Variants in CEPT1 observed in about 807,000 individuals in gnomAD.
CEPT1 encodes the protein choline/ethanolaminephosphotransferase 1.
CEPT1 carries 7 observed loss-of-function variants against 42.6 expected under a neutral mutation model. That is an observed-to-expected ratio of 0.16 (90% CI 0.09 to 0.31). CEPT1 has a LOEUF of 0.31. Ranked by LOEUF, CEPT1 falls within the 10% of genes least tolerant of loss-of-function variation. The pLI is 1.00. For synonymous variants in CEPT1, 171 were observed against 171.9 expected, an observed-to-expected ratio of 0.99 and a Z score of 0.04; for missense variants, 306 against 502.1, an observed-to-expected ratio of 0.61 and a Z score of 3.73.
chr1:111,182,650 T>A (rs1300577185), intron 6 of CEPT1, 149 bp from the exon 7 acceptor site: 2 of 695,142 alleles, frequency 2.9e-6, no homozygotes, highest in Non-Finnish European at 4.7e-6. Flanking sequence ...TCATTAGCTC[T>A]TCTAGTTTGT....
In CEPT1 at chr1:111,157,646, A is replaced by G. The variant is rs374869312; in HGVS notation, c.340-1734A>G. Among the ~76,000 whole-genome samples, 19 of 152,316 alleles carry G rather than the reference A, an allele frequency of 1.2e-4. No individual in the cohort carries two copies. In the South Asian group the frequency reaches 2.9e-3, roughly 23 times the overall value. ...TAATTACTCAGTTCAGTGTGCTTGC[A>G]TGTAAAGTATGGTTCCATAATCATA... On this transcript the variant is annotated intron_variant, in intron 2 of 8. Transcript: ENST00000357172.
At chr1:111,165,432 A>G (rs909444151) in intron 4 of CEPT1, among the ~76,000 whole-genome samples, 5 of 152,246 alleles carry the variant, frequency 3.3e-5, no homozygotes, top group African/African-American at 1.2e-4. Flanking sequence ...ATACTCTTCA[A>G]TTATTTTTTC....
chr1:111,173,940 T>C (rs1003561956), intron 4 of CEPT1, among the ~76,000 whole-genome samples: 1 of 152,124 alleles, frequency 6.6e-6, no homozygotes, highest in South Asian at 2.1e-4. Flanking sequence ...TATATAACTA[T>C]TCCCTCTGAG....
chr1:111,150,990 A>G (rs896636111), intron 2 of CEPT1, among the ~76,000 whole-genome samples: 6 of 152,216 alleles, frequency 3.9e-5, no homozygotes, highest in African/African-American at 1.4e-4. Flanking sequence ...ATCCACAAAA[A>G]GAGTTGGACT....
intron 4 of CEPT1, among the ~76,000 whole-genome samples, chr1:111,163,172 A>G (rs1173857563): frequency 6.6e-6 from 1 of 152,170 alleles, no homozygotes; most frequent in African/African-American, 2.4e-5. Context: ...GAAACACTAG[A>G]TATATTAAGA....
Position 111,184,862 on chromosome 1 carries a change from T to A in CEPT1, c.*552T>A, listed in dbSNP as rs1219418638. ...TGAGGAAGTCCTTTTTTTTTTTTTT[T>A]TTTTTTTAATTGCTCAAGAAATGAT... On this transcript the variant is annotated 3_prime_UTR_variant, in exon 9 of 9. Coordinates refer to ENST00000357172, the MANE Select transcript of CEPT1 (RefSeq NM_006090.5). 6.6e-6 allele frequency: 1 copy of A among 151,052 alleles called. No homozygotes were observed. Among genetic ancestry groups the A allele is most frequent in the African/African-American group, 2.4e-5 (1 of 41,056 alleles). The allele number at this position is 151,052 out of a possible 1,614,324, so 9.4% of individuals were successfully genotyped here.
intron 4 of CEPT1, 81 bp downstream of exon 4, chr1:111,161,377 AT>A: frequency 1.5e-5 from 20 of 1,320,994 alleles, no homozygotes; most frequent in Non-Finnish European, 2.1e-5. Context: ...AGTATTAGAA[AT>A]TGATCAAATC....
rs201285945 is a variant in CEPT1 at position 111,174,932 on chromosome 1, T to G, written c.683T>G (p.Val228Gly). 1 of 1,612,596 alleles carries G rather than the reference T, an allele frequency of 6.2e-7. No individual in the cohort carries two copies. Among genetic ancestry groups the G allele is most frequent in the African/African-American group, 1.3e-5 (1 of 74,992 alleles). Residue 228 changes from valine (V) to glycine (G), a missense_variant, in exon 5 of 9, where the codon GTG (valine) becomes GGG (glycine). By Grantham distance (109) the Val-to-Gly change is moderately radical. Coordinates refer to ENST00000357172, the MANE Select transcript of CEPT1 (RefSeq NM_006090.5). ...IFIIIMHLLA[V>G]IGGPPFWQSM... ...ATAATAATCATGCATTTGCTGGCAG[T>G]GATTGGAGGACCACCTTTTTGGCAA...
intron 5 of CEPT1, among the ~76,000 whole-genome samples, chr1:111,177,382 A>G (rs944176471): frequency 2.0e-5 from 3 of 152,140 alleles, no homozygotes; most frequent in Admixed American, 1.3e-4. Flanking sequence ...CAAGTGTGGA[A>G]TTTTCCACTT....
intron 4 of CEPT1, among the ~76,000 whole-genome samples, chr1:111,174,059 AG>A (rs1656555787): frequency 6.6e-6 from 1 of 152,206 alleles, no homozygotes; most frequent in African/African-American, 2.4e-5. Context: ...TCAAAATAGA[AG>A]GCATTTGAAT....
At chr1:111,149,288 G>T (rs1655140504) in intron 2 of CEPT1, among the ~76,000 whole-genome samples, 2 of 92,270 alleles carry the variant, frequency 2.2e-5, no homozygotes, top group South Asian at 5.0e-4. Context: ...TTTGAGACAG[G>T]GTCTGCCTTT....
chr1:111,173,125 T>C (rs1389323218), intron 4 of CEPT1: 1 of 152,240 alleles, frequency 6.6e-6, no homozygotes, highest in Non-Finnish European at 1.5e-5. Flanking sequence ...CTACTTCATA[T>C]ATCCAGCAAA....
chr1:111,153,839 C>T (rs1655413144), intron 2 of CEPT1, among the ~76,000 whole-genome samples: 1 of 152,126 alleles, frequency 6.6e-6, no homozygotes. Context: ...CAATATCATG[C>T]TGTTTTGGTT....
chr1:111,141,427 A>T (rs912353542), intron 1 of CEPT1, among the ~76,000 whole-genome samples: 2 of 152,244 alleles, frequency 1.3e-5, no homozygotes, highest in East Asian at 1.9e-4. Flanking sequence ...TCTACCTTAT[A>T]TTAACACCAA....
Position 111,145,719 on chromosome 1 carries a change from C to T in CEPT1, c.-73-1923C>T, listed in dbSNP as rs144232145. Among the ~76,000 whole-genome samples the T allele has an allele frequency of 5.3e-5, 8 of 152,240 alleles. No homozygotes were observed. The East Asian group carries it at 1.2e-3, about 22-fold the overall frequency. On this transcript the variant is annotated intron_variant, in intron 1 of 8. Transcript: ENST00000357172. Reference sequence around the variant, plus strand: ...GGGTTCATAGTCCTCTAGCCATGGCCGGGTCTCAGTTCAGTGCCTTCCATC... The same window carrying T: ...GGGTTCATAGTCCTCTAGCCATGGCTGGGTCTCAGTTCAGTGCCTTCCATC...
intron 8 of CEPT1, among the ~76,000 whole-genome samples, chr1:111,183,833 G>A (rs1465725827): frequency 6.6e-6 from 1 of 152,138 alleles, no homozygotes; most frequent in African/African-American, 2.4e-5. Context: ...TTCTGACTGA[G>A]TAGAAAAGCA....
intron 2 of CEPT1, among the ~76,000 whole-genome samples, chr1:111,150,939 A>C (rs1341328166): frequency 6.6e-6 from 1 of 152,160 alleles, no homozygotes; most frequent in Non-Finnish European, 1.5e-5. Context: ...TTTGTCTTGC[A>C]ACTTGGTATA....
At chr1:111,176,446 G>A (rs1271109418) in intron 5 of CEPT1, among the ~76,000 whole-genome samples, 1 of 151,976 alleles carries the variant, frequency 6.6e-6, no homozygotes, top group African/African-American at 2.4e-5. Context: ...TATAAGCCTT[G>A]TATACCAAAG....
intron 4 of CEPT1, among the ~76,000 whole-genome samples, chr1:111,165,732 G>A (rs1268200705): frequency 6.6e-6 from 1 of 152,034 alleles, no homozygotes; most frequent in Non-Finnish European, 1.5e-5. Context: ...TGCTTCTAAA[G>A]TTTCACATTT....
Sources: allele counts gnomAD v4.1 joint callset (sites outside exome capture counted in the v4.1 genomes callset), GRCh38; gene constraint gnomAD v4.1.1; transcripts MANE v1.5; gene names NCBI Gene and HGNC (gene_info 2026-07-23, HGNC 2026-07-21).